The following MACROD2 variants were observed in gnomAD, a reference collection of about 807,000 sequenced individuals.
MACROD2 encodes mono-ADP ribosylhydrolase 2, also known as ADP-ribose glycohydrolase MACROD2.
A neutral mutation model predicts 70.4 loss-of-function variants in MACROD2; 36 were observed. The ratio of observed to expected loss-of-function variants is 0.51; its 90% CI spans 0.39 to 0.68. The LOEUF is 0.68. Among genes scored for constraint, MACROD2 ranks in the 30% least tolerant of loss-of-function variants. MACROD2 has a pLI of 0.00. For missense variants in MACROD2, 496 were observed against 538.4 expected (o/e 0.92, Z 0.78); for synonymous variants, 172 against 178.8 (o/e 0.96, Z 0.30).
At chr20:14,999,622 A>G (rs1012531511) in intron 5 of MACROD2, among the ~76,000 whole-genome samples, 9 of 152,216 alleles carry the variant, frequency 5.9e-5, no homozygotes, top group Admixed American at 4.6e-4. Context: ...GTGGCAGACC[A>G]AGACTCTATC....
chr20:15,252,211 T>C (rs1201442455), intron 6 of MACROD2, among the ~76,000 whole-genome samples: 1 of 152,354 alleles, frequency 6.6e-6, no homozygotes. Context: ...CAATTCCATA[T>C]GTATTGCTAA....
chr20:15,061,646 A>G (rs1394445885), intron 5 of MACROD2, among the ~76,000 whole-genome samples: 1 of 152,164 alleles, frequency 6.6e-6, no homozygotes. Flanking sequence ...TTAGCCAGGG[A>G]TGCTTCTTCC....
Position 14,940,855 on chromosome 20 carries a change from C to A in MACROD2, c.418+255896C>A, listed in dbSNP as rs1448296108. 5.3e-5 allele frequency among the ~76,000 whole-genome samples: 8 copies of A among 152,022 alleles called. No homozygotes were observed. In the South Asian group the frequency reaches 1.0e-3, roughly 20 times the overall value. On this transcript the variant is annotated intron_variant, in intron 5 of 17. Coordinates refer to ENST00000684519, the MANE Select transcript of MACROD2 (RefSeq NM_001351661.2). ...ATCAGTGACATTGGCCTGTAGTTTTCTTTGTTTGTTGTGTCTTTGCCTGGT... is the reference window on the plus strand; with the variant it reads ...ATCAGTGACATTGGCCTGTAGTTTTATTTGTTTGTTGTGTCTTTGCCTGGT...
At chr20:15,358,553 CAGTT>C (rs1240408400) in intron 6 of MACROD2, among the ~76,000 whole-genome samples, 9 of 152,150 alleles carry the variant, frequency 5.9e-5, no homozygotes, top group East Asian at 1.9e-4. Flanking sequence ...AAATGCTTAA[CAGTT>C]AGTTATCATT....
chr20:14,591,276 T>C (rs756165349), intron 4 of MACROD2, among the ~76,000 whole-genome samples: 8 of 152,190 alleles, frequency 5.3e-5, no homozygotes, highest in Non-Finnish European at 7.4e-5. Context: ...TTCTCCCTCA[T>C]TGCTTTCTTT....
At chr20:15,519,368 C>T (rs915135205) in intron 8 of MACROD2, among the ~76,000 whole-genome samples, 5 of 152,138 alleles carry the variant, frequency 3.3e-5, no homozygotes, top group African/African-American at 1.2e-4. Flanking sequence ...TTGTGATCCT[C>T]CCACCTTGGC....
At chr20:15,017,360 G>A (rs1033635069) in intron 5 of MACROD2, among the ~76,000 whole-genome samples, 2 of 152,184 alleles carry the variant, frequency 1.3e-5, no homozygotes, top group Non-Finnish European at 2.9e-5. Flanking sequence ...GATGCAAGAG[G>A]TGGGTTCCCA....
intron 3 of MACROD2, among the ~76,000 whole-genome samples, chr20:14,229,687 T>C (rs568429972): frequency 6.6e-6 from 1 of 152,214 alleles, no homozygotes; most frequent in African/African-American, 2.4e-5. Flanking sequence ...TACTGTATGA[T>C]CCAGCACACA....
At chr20:14,202,861 CAA>C (rs2081490683) in intron 3 of MACROD2, among the ~76,000 whole-genome samples, 1 of 152,028 alleles carries the variant, frequency 6.6e-6, no homozygotes, top group African/African-American at 2.4e-5. Flanking sequence ...CCAGCCTGAC[CAA>C]CATAGTGAAA....
intron 3 of MACROD2, among the ~76,000 whole-genome samples, chr20:14,087,118 G>C (rs2054086076): frequency 6.6e-6 from 1 of 152,124 alleles, no homozygotes; most frequent in Non-Finnish European, 1.5e-5. Context: ...GTTACAGCTG[G>C]GTGCGGTGGC....
At chr20:14,941,336 G>A (rs1370589093) in intron 5 of MACROD2, among the ~76,000 whole-genome samples, 1 of 151,894 alleles carries the variant, frequency 6.6e-6, no homozygotes, top group African/African-American at 2.4e-5. Flanking sequence ...TTTTTCTCTG[G>A]CTGCCCTCTG....
At chr20:15,900,630 G>T (rs895852730) in intron 10 of MACROD2, among the ~76,000 whole-genome samples, 4 of 152,180 alleles carry the variant, frequency 2.6e-5, no homozygotes, top group African/African-American at 9.7e-5. Flanking sequence ...CCAAGGCAGA[G>T]AAACCACAGG....
chr20:14,021,485 T>TATA (rs1353551562), intron 2 of MACROD2, among the ~76,000 whole-genome samples: 3 of 152,176 alleles, frequency 2.0e-5, no homozygotes, highest in African/African-American at 7.2e-5. Flanking sequence ...CCTTTAGGTA[T>TATA]CCCCCAGAAG....
chr20:15,266,037 G>A (rs2077291393), intron 6 of MACROD2, among the ~76,000 whole-genome samples: 1 of 152,270 alleles, frequency 6.6e-6, no homozygotes, highest in East Asian at 1.9e-4. Context: ...AATATGATCG[G>A]GTTTCAAAAT....
chr20:15,561,128 A>G (rs2048238253), intron 8 of MACROD2, among the ~76,000 whole-genome samples: 2 of 152,186 alleles, frequency 1.3e-5, no homozygotes, highest in Admixed American at 6.5e-5. Flanking sequence ...GTATTGTAAG[A>G]GAACGCTACT....
chr20:14,770,621 A>G (rs147533839), intron 5 of MACROD2, among the ~76,000 whole-genome samples: 4 of 152,230 alleles, frequency 2.6e-5, no homozygotes, highest in Non-Finnish European at 4.4e-5. Flanking sequence ...CTGTATCACA[A>G]AATAATAGTT....
intron 5 of MACROD2, among the ~76,000 whole-genome samples, chr20:15,017,708 A>G (rs181858086): frequency 1.3e-5 from 2 of 152,330 alleles, no homozygotes; most frequent in Non-Finnish European, 2.9e-5. Context: ...GAGGTTCCCA[A>G]ACCTCAATTC....
At chr20:15,899,515 A>G (rs541012988) in intron 10 of MACROD2, among the ~76,000 whole-genome samples, 239 of 152,324 alleles carry the variant, frequency 1.6e-3, no homozygotes, top group Non-Finnish European at 2.1e-3. Flanking sequence ...GAGTTATTTT[A>G]TAAAACAAAC....
chr20:14,659,121 G>A (rs1660675723), intron 4 of MACROD2, among the ~76,000 whole-genome samples: 1 of 151,982 alleles, frequency 6.6e-6, no homozygotes, highest in African/African-American at 2.4e-5. Flanking sequence ...TCACACTGTG[G>A]GAACCAAAGC....
Sources: gnomAD v4.1 joint callset for allele counts (sites outside exome capture counted in the v4.1 genomes callset) on GRCh38, gnomAD v4.1.1 for gene constraint, MANE v1.5 for transcripts, NCBI Gene and HGNC (gene_info 2026-07-23, HGNC 2026-07-21) for gene names.